The following ERGIC1 variants were observed in gnomAD, a reference collection of about 807,000 sequenced individuals.
The protein encoded by ERGIC1 is endoplasmic reticulum-golgi intermediate compartment 1.
Under a neutral mutation model 38.3 loss-of-function variants are expected in ERGIC1, and 19 were observed. That is an observed-to-expected ratio of 0.50 (90% confidence interval 0.35 to 0.73). The LOEUF is 0.73. Ranked by LOEUF, ERGIC1 falls within the 30% of genes least tolerant of loss-of-function variation. ERGIC1 has a pLI of 0.01. For missense variants in ERGIC1, 294 were observed against 389.2 expected (o/e 0.76, Z 2.06); for synonymous variants, 124 against 157.6 (o/e 0.79, Z 1.60).
chr5:172,863,055 C>T (rs1465415176), intron 1 of ERGIC1, among the ~76,000 whole-genome samples: 1 of 152,188 alleles, frequency 6.6e-6, no homozygotes, highest in Non-Finnish European at 1.5e-5. Flanking sequence ...AATCCCAGCT[C>T]ACTGCAACCT....
At chr5:172,861,250 A>G (rs1229486184) in intron 1 of ERGIC1, among the ~76,000 whole-genome samples, 5 of 152,046 alleles carry the variant, frequency 3.3e-5, no homozygotes, top group Admixed American at 3.3e-4. Context: ...CTTCCCAGGC[A>G]CTTGGCGTAG....
intron 9 of ERGIC1, chr5:172,936,207 G>A (rs745494989): frequency 6.6e-6 from 1 of 152,228 alleles, no homozygotes; most frequent in East Asian, 1.9e-4. Context: ...GGAGTAGAAG[G>A]CCTCAGGCAT....
intron 3 of ERGIC1, among the ~76,000 whole-genome samples, chr5:172,902,087 C>T (rs372475482): frequency 6.6e-6 from 1 of 152,200 alleles, no homozygotes; most frequent in African/African-American, 2.4e-5. Flanking sequence ...CAGCACCTCC[C>T]CTCTGTTGTA....
At chr5:172,870,870 CT>C (rs1761987990) in intron 1 of ERGIC1, among the ~76,000 whole-genome samples, 1 of 152,218 alleles carries the variant, frequency 6.6e-6, no homozygotes, top group Non-Finnish European at 1.5e-5. Context: ...CAGGTGAGCT[CT>C]TGGCTCAGGA....
intron 5 of ERGIC1, among the ~76,000 whole-genome samples, chr5:172,918,893 G>A (rs185383750): frequency 5.8e-4 from 89 of 152,266 alleles, no homozygotes; most frequent in Admixed American, 5.6e-3. Context: ...GTCCCTCAGG[G>A]GAAGTCCTCC....
chr5:172,900,813 T>A (rs1361548022), intron 3 of ERGIC1, among the ~76,000 whole-genome samples: 1 of 151,908 alleles, frequency 6.6e-6, no homozygotes, highest in Non-Finnish European at 1.5e-5. Flanking sequence ...GAGGCAGAGA[T>A]GAATAGAGAG....
In ERGIC1 at chr5:172,909,168, C is replaced by CTTTTTTTTTTTTTTT. The variant is rs70984920; in HGVS notation, c.156-495_156-481dup. On this transcript the variant is annotated intron_variant, in intron 3 of 9. Transcript: ENST00000393784. ...CTTTCCTGAGCCCCAGCCCTCCCCT[C>CTTTTTTTTTTTTTTT]TTTTTTTTTTTTTTTTTTGAGACGG... is the stretch of plus-strand genomic sequence containing the variant. Among the ~76,000 whole-genome samples, 58 of 80,858 alleles carry CTTTTTTTTTTTTTTT rather than the reference C, an allele frequency of 7.2e-4. 2 individuals carry two copies. Among genetic ancestry groups the CTTTTTTTTTTTTTTT allele is most frequent in the Non-Finnish European group, 9.7e-4 (41 of 42,220 alleles). 53.0% of individuals were successfully genotyped at this position (80,858 alleles called of 152,430 possible).
intron 1 of ERGIC1, among the ~76,000 whole-genome samples, chr5:172,859,416 T>C (rs566330180): frequency 6.6e-6 from 1 of 151,802 alleles, no homozygotes; most frequent in Non-Finnish European, 1.5e-5. Flanking sequence ...CCTTCCCAGC[T>C]GACGGAAAAG....
intron 1 of ERGIC1, among the ~76,000 whole-genome samples, chr5:172,884,635 C>T (rs1407443444): frequency 6.6e-6 from 1 of 152,094 alleles, no homozygotes; most frequent in East Asian, 1.9e-4. Flanking sequence ...GTGCTCCAGG[C>T]CCATCTTGTA....
chr5:172,855,369 C>T (rs1026348665), intron 1 of ERGIC1, among the ~76,000 whole-genome samples: 5 of 152,286 alleles, frequency 3.3e-5, no homozygotes, highest in East Asian at 1.9e-4. Flanking sequence ...GAGATGGTCT[C>T]GGGCCTAACC....
intron 5 of ERGIC1, among the ~76,000 whole-genome samples, chr5:172,918,959 G>A (rs1273588654): frequency 1.3e-5 from 2 of 151,428 alleles, no homozygotes; most frequent in Admixed American, 6.6e-5. Context: ...ATCACGCTGC[G>A]GCTGCTGCCT....
intron 9 of ERGIC1, among the ~76,000 whole-genome samples, chr5:172,946,663 C>A (rs1764127517): frequency 6.6e-6 from 1 of 152,164 alleles, no homozygotes. Flanking sequence ...GTGAGAACGC[C>A]CTGGCACTGG....
At chr5:172,867,343 TAGG>T (rs1561708998) in intron 1 of ERGIC1, 1 of 426,458 alleles carries the variant, frequency 2.3e-6, no homozygotes, top group African/African-American at 2.0e-5. Flanking sequence ...GGACGATTCA[TAGG>T]AGAGCACAGG....
At chr5:172,938,580 C>T (rs142323881) in intron 9 of ERGIC1, among the ~76,000 whole-genome samples, 13 of 151,008 alleles carry the variant, frequency 8.6e-5, no homozygotes, top group Non-Finnish European at 1.8e-4. Flanking sequence ...GGCAAAACCT[C>T]GTCTCTAGTT....
At position 172,914,254 on chromosome 5, in the gene ERGIC1, A is replaced by AAAAAAAAAT. The variant is rs796565475; in HGVS notation, c.251-457_251-456insAAAAATAAA. 7.7e-4 allele frequency among the ~76,000 whole-genome samples: 101 copies of AAAAAAAAAT among 131,252 alleles called. 1 individual carries two copies. Among genetic ancestry groups the AAAAAAAAAT allele is most frequent in the Middle Eastern group, 4.3e-3 (1 of 234 alleles). The allele number at this position is 131,252 out of a possible 152,430, so 86.1% of individuals were successfully genotyped here. A position where few individuals can be genotyped will look rare whatever the true frequency, so the allele number is the denominator to read the frequency against. On this transcript the variant is annotated intron_variant, in intron 4 of 9. Coordinates refer to ENST00000393784, the MANE Select transcript of ERGIC1 (RefSeq NM_001031711.3). ...TGTCTCAAAAAAAAAAAAAAAAAAA[A>AAAAAAAAAT]AAATACAAAGACTATCTGAGATACA...
At chr5:172,895,001 G>A (rs1322362842) in intron 2 of ERGIC1, among the ~76,000 whole-genome samples, 2 of 152,268 alleles carry the variant, frequency 1.3e-5, no homozygotes, top group African/African-American at 2.4e-5. Context: ...AATAGATACA[G>A]ACTAAGAAAA....
intron 9 of ERGIC1, among the ~76,000 whole-genome samples, chr5:172,947,170 T>G (rs1581593042): frequency 8.2e-6 from 1 of 121,764 alleles, no homozygotes; most frequent in Non-Finnish European, 1.7e-5. Context: ...GCGACAAGAG[T>G]GAGACTCAAT....
chr5:172,874,756 T>C (rs531613299), intron 1 of ERGIC1, among the ~76,000 whole-genome samples: 292 of 151,376 alleles, frequency 1.9e-3, no homozygotes, highest in African/African-American at 6.9e-3. Context: ...CAAAACCCCG[T>C]CTCTACAAAA....
At chr5:172,947,229 G>A (rs1764143025) in intron 9 of ERGIC1, among the ~76,000 whole-genome samples, 1 of 151,852 alleles carries the variant, frequency 6.6e-6, no homozygotes, top group Admixed American at 6.6e-5. Flanking sequence ...CTGTCACCTA[G>A]GCTGGAGTGC....
Sources: gnomAD v4.1 joint callset for allele counts (sites outside exome capture counted in the v4.1 genomes callset) on GRCh38, gnomAD v4.1.1 for gene constraint, MANE v1.5 for transcripts, NCBI Gene and HGNC (gene_info 2026-07-23, HGNC 2026-07-21) for gene names.